NFIB: variants seen among roughly 807,000 people sequenced by gnomAD.
NFIB encodes nuclear factor I B, also known as nuclear factor 1 B-type.
A neutral mutation model predicts 61.5 loss-of-function variants in NFIB; 11 were observed. The observed-to-expected ratio is 0.18, with a 90% CI of 0.11 to 0.30. NFIB has a LOEUF of 0.30. NFIB is among the 10% of genes least tolerant of loss of function. The probability of loss-of-function intolerance (pLI) is 1.00; values close to 1 mark genes in which losing one functional copy is unlikely to be tolerated. For missense variants in NFIB, 471 were observed against 608.9 expected, an observed-to-expected ratio of 0.77 and a Z score of 2.38; for synonymous variants, 260 against 216.5, an observed-to-expected ratio of 1.20 and a Z score of -1.76.
At chr9:14,238,165 A>G (rs867454182) in intron 2 of NFIB, among the ~76,000 whole-genome samples, 3 of 151,992 alleles carry the variant, frequency 2.0e-5, no homozygotes, top group Non-Finnish European at 2.9e-5. Context: ...ACCTACGATC[A>G]TCTGAGAAAA....
intron 4 of NFIB, 97 bp from the exon 5 acceptor site, chr9:14,150,362 G>GA (rs1258706382): frequency 6.4e-7 from 1 of 1,567,154 alleles, no homozygotes; most frequent in Non-Finnish European, 8.6e-7. Context: ...TCTGGTCAAA[G>GA]ATAGAGAGAA....
intron 2 of NFIB, among the ~76,000 whole-genome samples, chr9:14,279,235 G>A (rs972568068): frequency 7.9e-5 from 12 of 152,202 alleles, no homozygotes; most frequent in African/African-American, 2.6e-4. Flanking sequence ...TGGAAGCCCC[G>A]TCTTCCCATC....
At chr9:14,249,033 A>T (rs2132112740) in intron 2 of NFIB, among the ~76,000 whole-genome samples, 1 of 152,340 alleles carries the variant, frequency 6.6e-6, no homozygotes. Flanking sequence ...TTCAGTCTGT[A>T]TAACTTCAGT....
At chr9:14,134,897 C>CAAAAAAAAAAAAAAA (rs57014530) in intron 6 of NFIB, among the ~76,000 whole-genome samples, 3 of 64,344 alleles carry the variant, frequency 4.7e-5, no homozygotes, top group African/African-American at 9.3e-5. Flanking sequence ...GACTCTGTCT[C>CAAAAAAAAAAAAAAA]AAAAAAAAAA....
At chr9:14,447,142 T>C in the NFIB span, among the ~76,000 whole-genome samples, 1 of 152,192 alleles carries the variant, frequency 6.6e-6, no homozygotes. Flanking sequence ...TTATGTTTTA[T>C]AGTTTATTGT....
intron 2 of NFIB, among the ~76,000 whole-genome samples, chr9:14,277,525 T>C (rs1019136911): frequency 4.6e-5 from 7 of 152,240 alleles, no homozygotes; most frequent in African/African-American, 9.6e-5. Flanking sequence ...GACAATGGTC[T>C]AGTCTGAATT....
chr9:14,490,746 C>T, the NFIB span, among the ~76,000 whole-genome samples: 1 of 152,114 alleles, frequency 6.6e-6, no homozygotes, highest in Admixed American at 6.5e-5. Flanking sequence ...GATATCAATG[C>T]GATACCATCT....
At chr9:14,196,152 C>A (rs1303216527) in intron 2 of NFIB, among the ~76,000 whole-genome samples, 1 of 151,944 alleles carries the variant, frequency 6.6e-6, no homozygotes, top group Admixed American at 6.6e-5. Flanking sequence ...TTCAGCTTAA[C>A]ATTCATTAAG....
chr9:14,204,922 C>A, intron 2 of NFIB: 1 of 359,884 alleles, frequency 2.8e-6, no homozygotes, highest in South Asian at 3.0e-5. Flanking sequence ...GAACCAATTA[C>A]AACGACAGAG....
At chr9:14,471,681 C>T in the NFIB span, among the ~76,000 whole-genome samples, 4 of 152,150 alleles carry the variant, frequency 2.6e-5, no homozygotes, top group African/African-American at 7.2e-5. Context: ...CTTTTTGCCA[C>T]GTAAGTCACC....
the NFIB span, among the ~76,000 whole-genome samples, chr9:14,470,524 T>C: frequency 6.6e-6 from 1 of 152,136 alleles, no homozygotes; most frequent in Non-Finnish European, 1.5e-5. Context: ...AAGGGCCAGA[T>C]GGTCATCTCT....
intron 7 of NFIB, among the ~76,000 whole-genome samples, chr9:14,124,161 C>G (rs2039332827): frequency 6.6e-6 from 1 of 152,134 alleles, no homozygotes; most frequent in Non-Finnish European, 1.5e-5. Flanking sequence ...AGGTGGAGGG[C>G]TCATCTAGGT....
At chr9:14,336,035 T>G (rs2060882375) in intron 1 of NFIB, among the ~76,000 whole-genome samples, 1 of 152,228 alleles carries the variant, frequency 6.6e-6, no homozygotes, top group Admixed American at 6.5e-5. Flanking sequence ...TTATTTGTCT[T>G]TATCCATGTC....
chr9:14,228,338 G>A lies in NFIB; in HGVS notation c.563-48558C>T, dbSNP rs1017076270. Among the ~76,000 whole-genome samples, 12 of 151,910 alleles carry A rather than the reference G, an allele frequency of 7.9e-5. No individual in the cohort carries two copies. The East Asian group carries it at 2.3e-3, about 29-fold the overall frequency. On this transcript the variant is annotated intron_variant, in intron 2 of 10. Transcript: ENST00000380953. ...GCCTCTCGAGTAGCTGGGATTACAG[G>A]AGCACACCACCACGCCTGGCTAATT... is the stretch of plus-strand genomic sequence containing the variant.
intron 10 of NFIB, chr9:14,102,476 C>A: frequency 2.6e-6 from 4 of 1,550,326 alleles, no homozygotes; most frequent in Non-Finnish European, 3.5e-6. Context: ...TAAATGCCTG[C>A]CGTTTTGATT....
At chr9:14,513,946 G>A in the NFIB span, among the ~76,000 whole-genome samples, 1 of 152,146 alleles carries the variant, frequency 6.6e-6, no homozygotes, top group Non-Finnish European at 1.5e-5. Context: ...ACTGAACAAT[G>A]CCTATGATGC....
chr9:14,378,153 C>T (rs2061441483), intron 1 of NFIB, among the ~76,000 whole-genome samples: 1 of 152,156 alleles, frequency 6.6e-6, no homozygotes, highest in African/African-American at 2.4e-5. Context: ...CTGTTTTCCT[C>T]AGTTTCCTCT....
Position 14,088,064 on chromosome 9 carries a change from T to C in NFIB, c.*245A>G, listed in dbSNP as rs549790150. ...GAATTAGTGATTGTAAGTGCTGCAA[T>C]TGCTGGTCTATTATCTTCTTTCTTC... On this transcript the variant is annotated 3_prime_UTR_variant, in exon 11 of 11. Transcript: ENST00000380953. 1.0e-5 allele frequency: 8 copies of C among 767,516 alleles called. No individual in the cohort carries two copies. The highest frequency in any genetic ancestry group is 3.3e-5 in the South Asian group (1 of 29,934). The allele number at this position is 767,516 out of a possible 1,614,324, so 47.5% of individuals were successfully genotyped here.
At chr9:14,256,527 G>C (rs1314348184) in intron 2 of NFIB, among the ~76,000 whole-genome samples, 1 of 151,878 alleles carries the variant, frequency 6.6e-6, no homozygotes, top group Non-Finnish European at 1.5e-5. Context: ...AGAAGATAGA[G>C]AAAAAAAGGA....
Sources: gnomAD v4.1 joint callset for allele counts (sites outside exome capture counted in the v4.1 genomes callset) on GRCh38, gnomAD v4.1.1 for gene constraint, MANE v1.5 for transcripts, NCBI Gene and HGNC (gene_info 2026-07-23, HGNC 2026-07-21) for gene names.